MYORG: variants seen among roughly 807,000 people sequenced by gnomAD.
The protein encoded by MYORG is myogenesis regulating glycosidase.
Under a neutral mutation model 49.8 loss-of-function variants are expected in MYORG, and 45 were observed. The observed-to-expected ratio is 0.90, with a 90% CI of 0.71 to 1.16. MYORG has a LOEUF of 1.16. Among genes scored for constraint, MYORG ranks in the 50% most tolerant of loss-of-function variants. MYORG has a pLI of 0.00. For synonymous variants in MYORG, 552 were observed against 462.9 expected (o/e 1.19, Z -2.47); for missense variants, 1,110 against 1,026.5 (o/e 1.08, Z -1.11).
rs1187547825 is a variant in MYORG at position 34,368,374 on chromosome 9, T to C, written c.*2425A>G. ...TGAATTTATCCTCAGAAAATGGGTTTTTCTTTTCTATCTCATCATCAGGCT... is the reference window on the plus strand; with the variant it reads ...TGAATTTATCCTCAGAAAATGGGTTCTTCTTTTCTATCTCATCATCAGGCT... On this transcript the variant is annotated 3_prime_UTR_variant, in exon 2 of 2. Coordinates refer to ENST00000297625, the MANE Select transcript of MYORG (RefSeq NM_020702.5). 2 of 152,258 alleles carry C rather than the reference T, an allele frequency of 1.3e-5. No individual in the cohort carries two copies. The highest frequency in any genetic ancestry group is 4.8e-5 in the African/African-American group (2 of 41,466). 9.4% of individuals were successfully genotyped at this position (152,258 alleles called of 1,614,324 possible).
Position 34,371,382 on chromosome 9 carries a change from C to G in MYORG, c.1562G>C (p.Arg521Pro). The change falls in exon 2 of 2, where the codon CGC (arginine) becomes CCC (proline). Residue 521 changes from arginine to proline, a missense_variant. Transcript: ENST00000297625. Reference sequence around the variant, plus strand: ...CAGGTCGTAGCCCCACACAGAGTCGCGATCCACCAGGCGGAAGAAGCAGGA... The same window carrying G: ...CAGGTCGTAGCCCCACACAGAGTCGGGATCCACCAGGCGGAAGAAGCAGGA... Reference protein sequence around the residue: ...NISCFFRLVDRDSVWGYDLGL... With the variant: ...NISCFFRLVDPDSVWGYDLGL... 6.2e-7 allele frequency: 1 copy of G among 1,613,210 alleles called. No individual in the cohort carries two copies. The highest frequency in any genetic ancestry group is 8.5e-7 in the Non-Finnish European group (1 of 1,179,760).
intron 1 of MYORG, among the ~76,000 whole-genome samples, chr9:34,374,695 C>T (rs1008214012): frequency 1.8e-4 from 27 of 151,178 alleles, no homozygotes; most frequent in Non-Finnish European, 3.7e-4. Context: ...AGTTTGAGAC[C>T]AGCCTGGGCA....
chr9:34,371,596 G>A lies in MYORG; in HGVS notation c.1348C>T (p.Arg450Trp), dbSNP rs745416896. The A allele has an allele frequency of 8.1e-6, 13 of 1,604,710 alleles. No homozygotes were observed. The South Asian group carries it at 1.3e-4, about 16-fold the overall frequency. Residue 450 changes from arginine (R) to tryptophan (W), a missense_variant, in exon 2 of 2, where the codon CGG becomes TGG. Transcript: ENST00000297625. ...GCCACGGAGTAGCGAGAGCGCAGCC[G>A]CCGCAGGTGTCCCTGGAACCAGTCG... ...ARDWFQGHLR[R>W]LRSRYSVASF... is the part of the protein sequence containing the mutation.
rs774899301 is a variant in MYORG at position 34,371,527 on chromosome 9, C to T, written c.1417G>A (p.Asp473Asn). Residue 473 changes from aspartate (D) to asparagine (N), a missense_variant, in exon 2 of 2, where the codon GAC (aspartate) becomes AAC (asparagine). Coordinates refer to ENST00000297625, the MANE Select transcript of MYORG (RefSeq NM_020702.5). Reference sequence around the variant, plus strand: ...GGCAGCGGCCGGTAGGTGCTGAAGTCCCGCGGCAGGTAGCTGACCTCGCCC... The same window carrying T: ...GGCAGCGGCCGGTAGGTGCTGAAGTTCCGCGGCAGGTAGCTGACCTCGCCC... ...DAGEVSYLPR[D>N]FSTYRPLPDP... 6.2e-7 allele frequency: 1 copy of T among 1,607,928 alleles called. No homozygotes were observed. The highest frequency in any genetic ancestry group is 8.5e-7 in the Non-Finnish European group (1 of 1,179,404).
rs1398398365 is a variant in MYORG, at chr9:34,368,869, TCA to T, written c.*1928_*1929del. 1.3e-5 allele frequency: 2 copies of T among 152,370 alleles called. No homozygotes were observed. Among genetic ancestry groups the T allele is most frequent in the East Asian group, 3.9e-4 (2 of 5,186 alleles). The allele number at this position is 152,370 out of a possible 1,614,324, so 9.4% of individuals were successfully genotyped here. Reference sequence around the variant, plus strand: ...ACTGGTACCAATTTACTGTATAGGTTCATTTTCACAGTGCTGATAAAGACATA... The same window carrying T: ...ACTGGTACCAATTTACTGTATAGGTTTTTTCACAGTGCTGATAAAGACATA... On this transcript the variant is annotated 3_prime_UTR_variant, in exon 2 of 2. Coordinates refer to ENST00000297625, the MANE Select transcript of MYORG (RefSeq NM_020702.5).
chr9:34,370,702 G>C lies in MYORG; in HGVS notation c.*97C>G. The C allele has an allele frequency of 7.3e-7, 1 of 1,363,102 alleles. No homozygotes were observed. The highest frequency in any genetic ancestry group is 2.2e-4 in the Middle Eastern group (1 of 4,590). The allele number at this position is 1,363,102 out of a possible 1,614,324, so 84.4% of individuals were successfully genotyped here. A position where few individuals can be genotyped will look rare whatever the true frequency, so the allele number is the denominator to read the frequency against. ...CAGCCACTTAATGGGTGGTATAGAG[G>C]TGGGAGGTTCCTGGGAGTACATGGT... On this transcript the variant is annotated 3_prime_UTR_variant, in exon 2 of 2. Transcript: ENST00000297625.
intron 1 of MYORG, among the ~76,000 whole-genome samples, chr9:34,375,124 A>G (rs1820700125): frequency 6.6e-6 from 1 of 152,186 alleles, no homozygotes; most frequent in South Asian, 2.1e-4. Flanking sequence ...GAAGGAGACT[A>G]GCAAACAGTA....
In MYORG at chr9:34,372,910, A is replaced by G. The variant is rs1820658593; in HGVS notation, c.34T>C (p.Tyr12His). ...CAGCCAGGCCGGCGGCGGCGGGGGTAGGCCTGGCTCTTCTCCTGAGGGTTC... is the reference window on the plus strand; with the variant it reads ...CAGCCAGGCCGGCGGCGGCGGGGGTGGGCCTGGCTCTTCTCCTGAGGGTTC... ...LQNPQEKSQA[Y>H]PRRRRPGCYA... Residue 12 changes from tyrosine to histidine, a missense_variant, in exon 2 of 2, where the codon TAC becomes CAC. Coordinates refer to ENST00000297625, the MANE Select transcript of MYORG (RefSeq NM_020702.5). The G allele has an allele frequency of 4.3e-6, 7 of 1,613,836 alleles. No individual in the cohort carries two copies. Among genetic ancestry groups the G allele is most frequent in the Non-Finnish European group, 5.9e-6 (7 of 1,179,866 alleles).
In MYORG at chr9:34,367,103, GA is replaced by G. The variant is rs996747605; in HGVS notation, c.*3695del. 2.6e-5 allele frequency: 4 copies of G among 152,264 alleles called. No homozygotes were observed. Among genetic ancestry groups the G allele is most frequent in the Non-Finnish European group, 5.9e-5 (4 of 68,124 alleles). The allele number at this position is 152,264 out of a possible 1,614,324, so 9.4% of individuals were successfully genotyped here. A position where few individuals can be genotyped will look rare whatever the true frequency, so the allele number is the denominator to read the frequency against. Reference sequence around the variant, plus strand: ...GCACATCTTACATGGCAGCAGACAAGAGAGAATGAGAGCCAAGCAAAAGGGG... The same window carrying G: ...GCACATCTTACATGGCAGCAGACAAGGAGAATGAGAGCCAAGCAAAAGGGG... On this transcript the variant is annotated 3_prime_UTR_variant, in exon 2 of 2. Transcript: ENST00000297625.
At position 34,370,717 on chromosome 9, in the gene MYORG, G is replaced by T; in HGVS notation, c.*82C>A. 4 of 1,455,556 alleles carry T rather than the reference G, an allele frequency of 2.7e-6. No individual in the cohort carries two copies. The East Asian group carries it at 1.0e-4, about 36-fold the overall frequency. The allele number at this position is 1,455,556 out of a possible 1,614,324, so 90.2% of individuals were successfully genotyped here. A position where few individuals can be genotyped will look rare whatever the true frequency, so the allele number is the denominator to read the frequency against. ...TGGTATAGAGGTGGGAGGTTCCTGG[G>T]AGTACATGGTGCGGGTGTGACGGAG... On this transcript the variant is annotated 3_prime_UTR_variant, in exon 2 of 2. Coordinates refer to ENST00000297625, the MANE Select transcript of MYORG (RefSeq NM_020702.5).
At position 34,371,968 on chromosome 9, in the gene MYORG, G is replaced by A; in HGVS notation, c.976C>T (p.Arg326Cys). 1.2e-6 allele frequency: 2 copies of A among 1,614,036 alleles called. No homozygotes were observed. Among genetic ancestry groups the A allele is most frequent in the Non-Finnish European group, 1.7e-6 (2 of 1,179,890 alleles). ...AGCACCTTGTCCTGGTCCACGGCGC[G>A]CCCGTACAGCGCCCATGTGGACCAA... ...PIWSTWALYG[R>C]AVDQDKVLRF... is the part of the protein sequence containing the mutation. Residue 326 changes from arginine to cysteine, a missense_variant, in exon 2 of 2, where the codon CGC (arginine) becomes TGC (cysteine). Arg to Cys is a radical substitution (Grantham distance 180). Coordinates refer to ENST00000297625, the MANE Select transcript of MYORG (RefSeq NM_020702.5).
intron 1 of MYORG, among the ~76,000 whole-genome samples, chr9:34,375,280 T>A (rs1285140278): frequency 6.6e-6 from 1 of 152,110 alleles, no homozygotes; most frequent in Non-Finnish European, 1.5e-5. Flanking sequence ...AATACACAGC[T>A]CCTCCCATAG....
rs1204768458 is a variant in MYORG, at chr9:34,372,032, C to T, written c.912G>A (p.Pro304=). The T allele has an allele frequency of 1.9e-6, 3 of 1,613,858 alleles. No individual in the cohort carries two copies. Among genetic ancestry groups the T allele is most frequent in the African/African-American group, 1.3e-5 (1 of 74,960 alleles). ...KYMVRRYFNK[P]SRVPAPEAFR... ...AGGCCTCGGGTGCTGGCACCCTTGA[C>T]GGCTTGTTGAAGTAGCGACGCACCA... Residue 304 remains proline (P), a synonymous_variant, in exon 2 of 2, where the codon CCG becomes CCA. Coordinates refer to ENST00000297625, the MANE Select transcript of MYORG (RefSeq NM_020702.5).
chr9:34,374,881 GA>G (rs1370925906), intron 1 of MYORG, among the ~76,000 whole-genome samples: 1 of 128,548 alleles, frequency 7.8e-6, no homozygotes, highest in Non-Finnish European at 1.6e-5. Flanking sequence ...CAGCCTAGGT[GA>G]CAAAGTGAGA....
chr9:34,372,516 A>G lies in MYORG; in HGVS notation c.428T>C (p.Leu143Pro). Residue 143 changes from leucine to proline, a missense_variant, in exon 2 of 2, where the codon CTG (leucine) becomes CCG (proline). Transcript: ENST00000297625. ...GCSLTADGLPLHFFIQTVRPK... is the reference protein window; with the variant it reads ...GCSLTADGLPPHFFIQTVRPK... ...CCGCACAGTCTGGATGAAGAAGTGCAGCGGCAGCCCGTCGGCCGTGAGCGA... is the reference window on the plus strand; with the variant it reads ...CCGCACAGTCTGGATGAAGAAGTGCGGCGGCAGCCCGTCGGCCGTGAGCGA... The G allele has an allele frequency of 6.2e-7, 1 of 1,601,444 alleles. No homozygotes were observed. Among genetic ancestry groups the G allele is most frequent in the Non-Finnish European group, 8.5e-7 (1 of 1,174,834 alleles).
Position 34,372,637 on chromosome 9 carries a change from G to C in MYORG, c.307C>G (p.Arg103Gly). 6.2e-7 allele frequency: 1 copy of C among 1,606,622 alleles called. No homozygotes were observed. The highest frequency in any genetic ancestry group is 8.5e-7 in the Non-Finnish European group (1 of 1,176,830). ...LDLKAGGFSIRNQKGEQVFRL... is the reference protein window; with the variant it reads ...LDLKAGGFSIGNQKGEQVFRL... The stretch of plus-strand genomic sequence containing the variant: ...AAGACCTGCTCTCCCTTCTGATTGC[G>C]GATGGAGAAGCCGCCAGCTTTCAGG... Residue 103 changes from arginine to glycine, a missense_variant, in exon 2 of 2, where the codon CGC becomes GGC. Arg to Gly is a moderately radical substitution (Grantham distance 125). Coordinates refer to ENST00000297625, the MANE Select transcript of MYORG (RefSeq NM_020702.5).
chr9:34,372,830 G>A lies in MYORG; in HGVS notation c.114C>T (p.Phe38=), dbSNP rs1453627508. 1 of 1,613,958 alleles carries A rather than the reference G, an allele frequency of 6.2e-7. No individual in the cohort carries two copies. The highest frequency in any genetic ancestry group is 1.3e-5 in the African/African-American group (1 of 74,956). The change falls in exon 2 of 2, where the codon TTC becomes TTT. Residue 38 remains phenylalanine, a synonymous_variant. Coordinates refer to ENST00000297625, the MANE Select transcript of MYORG (RefSeq NM_020702.5). ...EAIAAAAMYT[F]LPDNFSPAKP... The stretch of plus-strand genomic sequence containing the variant: ...TGGCAGGTGAGAAGTTGTCGGGCAG[G>A]AAGGTGTACATAGCTGCGGCTGCGA...
At chr9:34,374,948 C>T (rs1316718361) in intron 1 of MYORG, among the ~76,000 whole-genome samples, 2 of 150,832 alleles carry the variant, frequency 1.3e-5, no homozygotes, top group African/African-American at 4.9e-5. Context: ...AACACAGGCT[C>T]AGGGGAAGAG....
Position 34,372,810 on chromosome 9 carries a change from G to T in MYORG, c.134C>A (p.Pro45His). 6.2e-7 allele frequency: 1 copy of T among 1,614,050 alleles called. No homozygotes were observed. ...GTCTTTGGAAGGCTTGGGCTTGGCA[G>T]GTGAGAAGTTGTCGGGCAGGAAGGT... ...MYTFLPDNFSPAKPKPSKDLK... is the reference protein window; with the variant it reads ...MYTFLPDNFSHAKPKPSKDLK... Residue 45 changes from proline (P) to histidine (H), a missense_variant, in exon 2 of 2, where the codon CCT becomes CAT. By Grantham distance (77) the Pro-to-His change is moderately conservative. Coordinates refer to ENST00000297625, the MANE Select transcript of MYORG (RefSeq NM_020702.5).
Sources: allele counts gnomAD v4.1 joint callset (sites outside exome capture counted in the v4.1 genomes callset), GRCh38; gene constraint gnomAD v4.1.1; transcripts MANE v1.5; gene names NCBI Gene and HGNC (gene_info 2026-07-23, HGNC 2026-07-21).